TNFSF4: variants seen among roughly 807,000 people sequenced by gnomAD.
The protein encoded by TNFSF4 is TNF superfamily member 4.
Under a neutral mutation model 7.3 loss-of-function variants are expected in TNFSF4, and 4 were observed. The observed-to-expected ratio is 0.55, with a 90% CI of 0.27 to 1.25. TNFSF4 has a LOEUF of 1.25. TNFSF4 is among the 50% of genes most tolerant of loss of function. The pLI is 0.12. For missense variants in TNFSF4, 181 were observed against 208.8 expected (o/e 0.87, Z 0.82); for synonymous variants, 76 against 83.7 (o/e 0.91, Z 0.50).
At chr1:173,225,005 T>G in the TNFSF4 span, among the ~76,000 whole-genome samples, 4 of 152,168 alleles carry the variant, frequency 2.6e-5, no homozygotes, top group African/African-American at 4.8e-5. Flanking sequence ...TCTGCCACAG[T>G]GCTTTTTTAT....
the TNFSF4 span, among the ~76,000 whole-genome samples, chr1:173,234,263 AG>A: frequency 6.6e-6 from 1 of 152,212 alleles, no homozygotes; most frequent in African/African-American, 2.4e-5. Context: ...ATCTCACACC[AG>A]TTAGGATGGT....
At chr1:173,366,864 A>G in the TNFSF4 span, among the ~76,000 whole-genome samples, 95,820 of 151,970 alleles carry the variant, frequency 0.63, 30,416 homozygotes, top group Admixed American at 0.69. Context: ...TTTGAAAAGT[A>G]TGTGATGCAG....
chr1:173,188,661 C>T, intron 1 of TNFSF4, 92 bp from the exon 2 acceptor site: 1 of 1,060,830 alleles, frequency 9.4e-7, no homozygotes, highest in South Asian at 1.3e-5. Context: ...AGCAGAAATG[C>T]AGTAGCCTGT....
At chr1:173,205,330 G>C (rs1557887074) in intron 1 of TNFSF4, 6 of 1,612,142 alleles carry the variant, frequency 3.7e-6, no homozygotes, top group Non-Finnish European at 5.1e-6. Context: ...TAGTGTCCTA[G>C]AAACCAGCAC....
At chr1:173,362,956 C>A in the TNFSF4 span, 2 of 387,516 alleles carry the variant, frequency 5.2e-6, no homozygotes, top group Non-Finnish European at 5.1e-6. Context: ...CTTAGTTTTT[C>A]TTGTGGTTTT....
the TNFSF4 span, among the ~76,000 whole-genome samples, chr1:173,270,996 G>A: frequency 6.6e-6 from 1 of 152,106 alleles, no homozygotes; most frequent in South Asian, 2.1e-4. Context: ...AACGTAAGCT[G>A]CATCGAGTTT....
At chr1:173,354,178 G>A in the TNFSF4 span, among the ~76,000 whole-genome samples, 14 of 152,098 alleles carry the variant, frequency 9.2e-5, no homozygotes, top group South Asian at 2.1e-4. Context: ...TGACCCCACC[G>A]AAATTCAAAA....
At chr1:173,249,818 G>T in the TNFSF4 span, among the ~76,000 whole-genome samples, 2 of 152,198 alleles carry the variant, frequency 1.3e-5, no homozygotes, top group African/African-American at 4.8e-5. Flanking sequence ...GAGTTCGTGA[G>T]CAGGAAGAGA....
chr1:173,221,702 T>C, the TNFSF4 span, among the ~76,000 whole-genome samples: 1 of 152,142 alleles, frequency 6.6e-6, no homozygotes, highest in Admixed American at 6.5e-5. Context: ...ACCACAATAA[T>C]TATCCAAGAG....
downstream of TNFSF4, among the ~76,000 whole-genome samples, chr1:173,181,015 T>C (rs1235366702): frequency 6.6e-6 from 1 of 152,186 alleles, no homozygotes; most frequent in Non-Finnish European, 1.5e-5. Flanking sequence ...TTTATAATAG[T>C]AAGTGAGATT....
chr1:173,305,378 G>T, the TNFSF4 span, among the ~76,000 whole-genome samples: 1 of 151,862 alleles, frequency 6.6e-6, no homozygotes, highest in Non-Finnish European at 1.5e-5. Flanking sequence ...TTCTGGGCAG[G>T]ATGAAACACG....
chr1:173,408,531 T>C, the TNFSF4 span, among the ~76,000 whole-genome samples: 1 of 151,836 alleles, frequency 6.6e-6, no homozygotes, highest in South Asian at 2.1e-4. Context: ...AATAGTATGG[T>C]TTCAGACAAG....
At chr1:173,448,921 G>A in the TNFSF4 span, among the ~76,000 whole-genome samples, 6 of 152,272 alleles carry the variant, frequency 3.9e-5, no homozygotes, top group African/African-American at 1.2e-4. Context: ...AACATATCTA[G>A]TAAATCTCCA....
chr1:173,297,392 G>T, the TNFSF4 span, among the ~76,000 whole-genome samples: 10 of 152,056 alleles, frequency 6.6e-5, no homozygotes, highest in Middle Eastern at 3.4e-3. Context: ...AGTCATTGCT[G>T]TTTGCTTTAT....
the TNFSF4 span, among the ~76,000 whole-genome samples, chr1:173,378,994 G>C: frequency 2.0e-5 from 3 of 150,068 alleles, no homozygotes; most frequent in Non-Finnish European, 4.4e-5. Flanking sequence ...GATCAAGGCA[G>C]ACCTGGCGAA....
At chr1:173,360,271 T>C in the TNFSF4 span, among the ~76,000 whole-genome samples, 1 of 152,210 alleles carries the variant, frequency 6.6e-6, no homozygotes, top group Non-Finnish European at 1.5e-5. Context: ...GGCTTCCCAT[T>C]CTCCTGGACT....
At chr1:173,256,954 T>C in the TNFSF4 span, among the ~76,000 whole-genome samples, 2 of 152,242 alleles carry the variant, frequency 1.3e-5, no homozygotes, top group African/African-American at 2.4e-5. Context: ...TTGGGTCAAA[T>C]TGAAGATTTG....
At chr1:173,192,847 T>C (rs1390335208) in intron 1 of TNFSF4, among the ~76,000 whole-genome samples, 1 of 152,230 alleles carries the variant, frequency 6.6e-6, no homozygotes, top group Non-Finnish European at 1.5e-5. Context: ...AAAATCTGTA[T>C]ATCAGAGAGT....
chr1:173,348,171 T>G, the TNFSF4 span, among the ~76,000 whole-genome samples: 2 of 152,202 alleles, frequency 1.3e-5, no homozygotes, highest in Non-Finnish European at 2.9e-5. Flanking sequence ...GAATTATAGC[T>G]CCCATAATTC....
Sources: gnomAD v4.1 joint callset for allele counts (sites outside exome capture counted in the v4.1 genomes callset) on GRCh38, gnomAD v4.1.1 for gene constraint, MANE v1.5 for transcripts, NCBI Gene and HGNC (gene_info 2026-07-23, HGNC 2026-07-21) for gene names.